Variants in KCNMA1 observed in about 807,000 individuals in gnomAD.
KCNMA1 encodes potassium calcium-activated channel subfamily M alpha 1.
In KCNMA1, 29 loss-of-function variants were observed where a neutral mutation model predicts 140.0. That is an observed-to-expected ratio of 0.21 (90% CI 0.15 to 0.28). The LOEUF (loss-of-function observed/expected upper bound fraction) is 0.28. Among genes scored for constraint, KCNMA1 ranks in the 10% least tolerant of loss-of-function variants. The pLI, the probability that KCNMA1 is intolerant of heterozygous loss-of-function variation, is 1.00. For synonymous variants in KCNMA1, 612 were observed against 611.9 expected (o/e 1.00, Z 0.00); for missense variants, 880 against 1,602.2 (o/e 0.55, Z 7.70).
chr10:77,526,000 G>T (rs1174531133), intron 1 of KCNMA1, among the ~76,000 whole-genome samples: 1 of 152,152 alleles, frequency 6.6e-6, no homozygotes, highest in African/African-American at 2.4e-5. Flanking sequence ...GGGGGCTTTG[G>T]AGAAAGATTT....
At chr10:77,130,613 T>A (rs1396570744) in intron 5 of KCNMA1, among the ~76,000 whole-genome samples, 1 of 152,092 alleles carries the variant, frequency 6.6e-6, no homozygotes. Context: ...ACATAGCAGA[T>A]GGATCACAAT....
chr10:77,294,537 C>G (rs2074333715), intron 2 of KCNMA1, among the ~76,000 whole-genome samples: 1 of 152,214 alleles, frequency 6.6e-6, no homozygotes, highest in Non-Finnish European at 1.5e-5. Flanking sequence ...GAGTTTACCC[C>G]ATAGATACAC....
intron 1 of KCNMA1, among the ~76,000 whole-genome samples, chr10:77,554,915 A>G (rs1477781187): frequency 6.6e-6 from 1 of 152,184 alleles, no homozygotes; most frequent in Non-Finnish European, 1.5e-5. Context: ...GGGATAGCCA[A>G]TCACAGAGGG....
Position 77,243,658 on chromosome 10 carries a change from G to C in KCNMA1, c.602+7537C>G, listed in dbSNP as rs147339827. Among the ~76,000 whole-genome samples the C allele has an allele frequency of 7.9e-5, 12 of 152,234 alleles. No homozygotes were observed. In the East Asian group the frequency reaches 2.1e-3, roughly 27 times the overall value. ...TAGTTATCAGATAGTGTTTCCACAG[G>C]GGAAACAAGTGAGCAATTGGGCAAA... On this transcript the variant is annotated intron_variant, in intron 3 of 27. Transcript: ENST00000286628.
intron 1 of KCNMA1, 87 bp from the exon 2 acceptor site, chr10:77,404,110 G>C (rs187580473): frequency 7.5e-7 from 1 of 1,338,140 alleles, no homozygotes; most frequent in East Asian, 2.3e-5. Flanking sequence ...GAGCCAGAAG[G>C]GGTCCCCAGC....
intron 1 of KCNMA1, among the ~76,000 whole-genome samples, chr10:77,545,271 T>C (rs1319991053): frequency 6.6e-6 from 1 of 152,190 alleles, no homozygotes; most frequent in Non-Finnish European, 1.5e-5. Flanking sequence ...CACGGAAATG[T>C]ATTATATGCA....
chr10:76,933,747 T>C (rs528578570), intron 23 of KCNMA1, among the ~76,000 whole-genome samples: 3 of 152,264 alleles, frequency 2.0e-5, no homozygotes, highest in African/African-American at 7.2e-5. Flanking sequence ...AGAACATCTC[T>C]CCTGGAGATC....
chr10:77,392,539 A>G (rs958468367), intron 2 of KCNMA1, among the ~76,000 whole-genome samples: 3 of 152,206 alleles, frequency 2.0e-5, no homozygotes, highest in Non-Finnish European at 4.4e-5. Context: ...TAACATTTCC[A>G]CCTTCAACAC....
intron 3 of KCNMA1, among the ~76,000 whole-genome samples, chr10:77,218,444 T>C (rs967139901): frequency 2.6e-5 from 4 of 152,160 alleles, no homozygotes; most frequent in African/African-American, 7.2e-5. Context: ...TCACTGGAGC[T>C]GGGTAGATGC....
At chr10:76,914,009 A>C (rs753099745) in intron 24 of KCNMA1, 1 of 1,399,586 alleles carries the variant, frequency 7.1e-7, no homozygotes, top group South Asian at 1.2e-5. Flanking sequence ...AAACACCAAC[A>C]ACAGAACAAA....
At chr10:77,381,798 C>A (rs1239020290) in intron 2 of KCNMA1, among the ~76,000 whole-genome samples, 1 of 152,170 alleles carries the variant, frequency 6.6e-6, no homozygotes, top group Non-Finnish European at 1.5e-5. Context: ...CCCACAGATA[C>A]TCTCAAAACA....
At chr10:77,518,150 C>A (rs553270706) in intron 1 of KCNMA1, among the ~76,000 whole-genome samples, 1 of 152,196 alleles carries the variant, frequency 6.6e-6, no homozygotes, top group South Asian at 2.1e-4. Flanking sequence ...TAGAAAGACC[C>A]TCCCTGGCCA....
chr10:77,039,298 A>C, intron 15 of KCNMA1: 1 of 597,294 alleles, frequency 1.7e-6, no homozygotes, highest in South Asian at 2.0e-5. Context: ...TGATGAATTC[A>C]AGTCCAAGAC....
In KCNMA1 at chr10:76,928,657, CTAAAGA is replaced by C. The variant is rs141549830; in HGVS notation, c.2903-13614_2903-13609del. Among the ~76,000 whole-genome samples, 859 of 152,166 alleles carry C rather than the reference CTAAAGA, an allele frequency of 5.6e-3. 5 individuals carry two copies. Among genetic ancestry groups the C allele is most frequent in the Middle Eastern group, 0.014 (4 of 294 alleles). On this transcript the variant is annotated intron_variant, in intron 23 of 27. Coordinates refer to ENST00000286628, the MANE Select transcript of KCNMA1 (RefSeq NM_001161352.2). The stretch of plus-strand genomic sequence containing the variant: ...AAGGACTTAAATATTTATAAAATGG[CTAAAGA>C]TAAAGTATGGCCCTCTTATTCCTAC...
At chr10:77,445,359 TACAC>T (rs1566895188) in intron 1 of KCNMA1, among the ~76,000 whole-genome samples, 2 of 130,936 alleles carry the variant, frequency 1.5e-5, no homozygotes, top group African/African-American at 6.0e-5. Context: ...CACACGCACA[TACAC>T]AGACACACAC....
chr10:77,445,922 C>T (rs1403546460), intron 1 of KCNMA1, among the ~76,000 whole-genome samples: 1 of 152,202 alleles, frequency 6.6e-6, no homozygotes, highest in African/African-American at 2.4e-5. Context: ...GCAACAGGGA[C>T]TCAAGGTATG....
intron 14 of KCNMA1, among the ~76,000 whole-genome samples, chr10:77,057,806 GAAGA>G (rs1415256894): frequency 6.6e-6 from 1 of 151,670 alleles, no homozygotes; most frequent in African/African-American, 2.4e-5. Context: ...TGATTCAAAA[GAAGA>G]AAGAAGAGAG....
chr10:77,485,178 C>G (rs1256882532), intron 1 of KCNMA1, among the ~76,000 whole-genome samples: 1 of 152,224 alleles, frequency 6.6e-6, no homozygotes, highest in Non-Finnish European at 1.5e-5. Context: ...CCATCAGTGT[C>G]CACTCCCACG....
intron 2 of KCNMA1, among the ~76,000 whole-genome samples, chr10:77,265,016 T>C (rs753580575): frequency 1.4e-4 from 22 of 152,146 alleles, no homozygotes; most frequent in Admixed American, 2.6e-4. Flanking sequence ...CAAAGCAGGA[T>C]GCCAGAAGCC....
Sources: allele counts gnomAD v4.1 joint callset (sites outside exome capture counted in the v4.1 genomes callset), GRCh38; gene constraint gnomAD v4.1.1; transcripts MANE v1.5; gene names NCBI Gene and HGNC (gene_info 2026-07-23, HGNC 2026-07-21).